Variants in PDZRN3 observed in about 807,000 individuals in gnomAD.
PDZRN3 encodes PDZ domain containing ring finger 3.
Under a neutral mutation model 85.7 loss-of-function variants are expected in PDZRN3, and 38 were observed. That is an observed-to-expected ratio of 0.44 (90% CI 0.34 to 0.58). The LOEUF is 0.58. PDZRN3 is among the 20% of genes least tolerant of loss of function. PDZRN3 has a pLI of 0.01. For synonymous variants in PDZRN3, 759 were observed against 638.0 expected, an observed-to-expected ratio of 1.19 and a Z score of -2.86; for missense variants, 1,629 against 1,506.4, an observed-to-expected ratio of 1.08 and a Z score of -1.35.
intron 3 of PDZRN3, among the ~76,000 whole-genome samples, chr3:73,475,313 C>T (rs1268511565): frequency 4.6e-5 from 7 of 152,134 alleles, no homozygotes; most frequent in African/African-American, 1.7e-4. Flanking sequence ...AAACACCAAG[C>T]GTGCTGACTT....
chr3:73,441,552 G>C (rs1702636675), intron 3 of PDZRN3, among the ~76,000 whole-genome samples: 1 of 152,098 alleles, frequency 6.6e-6, no homozygotes, highest in Non-Finnish European at 1.5e-5. Flanking sequence ...TTTGACACTT[G>C]GTGATGATAC....
At chr3:73,480,297 G>A (rs760205567) in intron 3 of PDZRN3, among the ~76,000 whole-genome samples, 4 of 152,110 alleles carry the variant, frequency 2.6e-5, no homozygotes, top group South Asian at 4.2e-4. Context: ...CACCTGGGGC[G>A]GGCCCTTTGT....
rs561877751 is a variant in PDZRN3, at chr3:73,571,006, A to G, written c.918+31348T>C. ...GAGAAAGATTGTGATTTTTATCACC[A>G]TCATAGCTACCATGGAAGCCCTACA... On this transcript the variant is annotated intron_variant, in intron 3 of 9. Coordinates refer to ENST00000263666, the MANE Select transcript of PDZRN3 (RefSeq NM_015009.3). Among the ~76,000 whole-genome samples, 51 of 152,370 alleles carry G rather than the reference A, an allele frequency of 3.3e-4. No homozygotes were observed. The South Asian group carries it at 5.2e-3, about 15-fold the overall frequency.
intron 3 of PDZRN3, among the ~76,000 whole-genome samples, chr3:73,538,190 C>T (rs1257064581): frequency 1.3e-5 from 2 of 152,220 alleles, no homozygotes; most frequent in Admixed American, 6.5e-5. Flanking sequence ...TTTTACACTT[C>T]AGACTTCTAG....
At chr3:73,474,440 G>A (rs1163860268) in intron 3 of PDZRN3, 1 of 1,247,320 alleles carries the variant, frequency 8.0e-7, no homozygotes, top group East Asian at 5.6e-5. Context: ...AAAAGGTGGA[G>A]CAGATTAAAC....
intron 3 of PDZRN3, among the ~76,000 whole-genome samples, chr3:73,477,333 A>G (rs1872961): frequency 0.83 from 126,419 of 152,082 alleles, 52,704 homozygotes; most frequent in South Asian, 0.96. Flanking sequence ...AAAAAATATA[A>G]ATTCCGGGTC....
intron 3 of PDZRN3, among the ~76,000 whole-genome samples, chr3:73,552,946 C>A (rs1442251055): frequency 6.6e-6 from 1 of 152,184 alleles, no homozygotes; most frequent in Admixed American, 6.5e-5. Context: ...ATAAACACAA[C>A]CTACTACGTG....
intron 3 of PDZRN3, among the ~76,000 whole-genome samples, chr3:73,438,318 A>G (rs1702569042): frequency 6.6e-6 from 1 of 152,232 alleles, no homozygotes; most frequent in Non-Finnish European, 1.5e-5. Flanking sequence ...CAGCAGATGT[A>G]GACATGAACT....
Position 73,624,552 on chromosome 3 carries a change from C to T in PDZRN3, c.274G>A (p.Val92Met). The T allele has an allele frequency of 6.6e-7, 1 of 1,518,978 alleles. No individual in the cohort carries two copies. Among genetic ancestry groups the T allele is most frequent in the Non-Finnish European group, 8.8e-7 (1 of 1,139,220 alleles). The allele number at this position is 1,518,978 out of a possible 1,614,324, so 94.1% of individuals were successfully genotyped here. A position where few individuals can be genotyped will look rare whatever the true frequency, so the allele number is the denominator to read the frequency against. Residue 92 changes from valine to methionine, a missense_variant, in exon 1 of 10, where the codon GTG (valine) becomes ATG (methionine). Physicochemically the swap from Val to Met is conservative, Grantham distance 21 (BLOSUM62 1). Transcript: ENST00000263666. The part of the protein sequence containing the change: ...CAYATRGCGR[V>M]VKLQQLPEHL... ...TCCGGCAGCTGCTGCAGCTTGACCA[C>T]CCGGCCGCAGCCGCGCGTCGCGTAC...
At chr3:73,404,471 C>T in intron 3 of PDZRN3, 76 bp from the exon 4 acceptor site, 1 of 1,439,646 alleles carries the variant, frequency 6.9e-7, no homozygotes, top group Non-Finnish European at 9.5e-7. Context: ...GAATTGCCTG[C>T]TTTCATGTGT....
At chr3:73,527,908 C>A (rs189425608) in intron 3 of PDZRN3, among the ~76,000 whole-genome samples, 3 of 152,158 alleles carry the variant, frequency 2.0e-5, no homozygotes, top group African/African-American at 7.2e-5. Context: ...AGGCAAAACA[C>A]GAACTACAGA....
intron 3 of PDZRN3, among the ~76,000 whole-genome samples, chr3:73,491,005 C>T (rs2095770698): frequency 6.6e-6 from 1 of 152,212 alleles, no homozygotes; most frequent in South Asian, 2.1e-4. Flanking sequence ...CAGGCAAGCC[C>T]TCCAAGTTCA....
intron 3 of PDZRN3, among the ~76,000 whole-genome samples, chr3:73,423,405 A>AT (rs1702240787): frequency 6.6e-6 from 1 of 152,238 alleles, no homozygotes; most frequent in African/African-American, 2.4e-5. Flanking sequence ...CACTGGGAGA[A>AT]AACTGTTATT....
Position 73,447,042 on chromosome 3 carries a change from T to TATAC in PDZRN3, c.919-42648_919-42647insGTAT, listed in dbSNP as rs1553690039. ...CCCTGCTTCTGGCCAACCTCTTGAC[T>TATAC]ATATATATATATATAAAGAATTGCA... On this transcript the variant is annotated intron_variant, in intron 3 of 9. Coordinates refer to ENST00000263666, the MANE Select transcript of PDZRN3 (RefSeq NM_015009.3). Among the ~76,000 whole-genome samples, 8 of 5,614 alleles carry TATAC rather than the reference T, an allele frequency of 1.4e-3. No homozygotes were observed. The South Asian group carries it at 0.051, about 36-fold the overall frequency. The allele number at this position is 5,614 out of a possible 152,430, so 3.7% of individuals were successfully genotyped here.
intron 3 of PDZRN3, among the ~76,000 whole-genome samples, chr3:73,444,933 GGTGCCTAGGGAAGGTGAGTC>G (rs1200109547): frequency 6.6e-6 from 1 of 152,200 alleles, no homozygotes; most frequent in Non-Finnish European, 1.5e-5. Flanking sequence ...CATGGGCTGT[GGTGCCTAGGGAAGGTGAGTC>G]CACATGAATG....
chr3:73,496,390 T>G (rs1703867102), intron 3 of PDZRN3, among the ~76,000 whole-genome samples: 2 of 152,138 alleles, frequency 1.3e-5, no homozygotes, highest in Middle Eastern at 3.4e-3. Context: ...GAGAACTAAC[T>G]TAATAAACTC....
chr3:73,595,459 T>G (rs1056034560), intron 3 of PDZRN3, among the ~76,000 whole-genome samples: 1 of 152,204 alleles, frequency 6.6e-6, no homozygotes, highest in Non-Finnish European at 1.5e-5. Context: ...AAATGGATTA[T>G]GCATATCTGT....
intron 3 of PDZRN3, among the ~76,000 whole-genome samples, chr3:73,600,189 C>T (rs1702491583): frequency 6.6e-6 from 1 of 152,028 alleles, no homozygotes; most frequent in South Asian, 2.1e-4. Context: ...TTTAATAATA[C>T]CCCTTTGCAA....
intron 3 of PDZRN3, among the ~76,000 whole-genome samples, chr3:73,413,404 C>A (rs149903145): frequency 2.6e-5 from 4 of 152,298 alleles, no homozygotes; most frequent in African/African-American, 9.6e-5. Flanking sequence ...TGACACTGAA[C>A]GCCACACATG....
Sources: gnomAD v4.1 joint callset for allele counts (sites outside exome capture counted in the v4.1 genomes callset) on GRCh38, gnomAD v4.1.1 for gene constraint, MANE v1.5 for transcripts, NCBI Gene and HGNC (gene_info 2026-07-23, HGNC 2026-07-21) for gene names.